Variants in RPS6KA6 observed in about 807,000 individuals in gnomAD.
RPS6KA6 encodes ribosomal protein S6 kinase alpha-6.
In RPS6KA6, 27 loss-of-function variants were observed where a neutral mutation model predicts 65.4. That is an observed-to-expected ratio of 0.41 (90% CI 0.30 to 0.57). The LOEUF (loss-of-function observed/expected upper bound fraction) is 0.57, where lower values mean the gene tolerates loss of function less well. RPS6KA6 is among the 20% of genes least tolerant of loss of function. RPS6KA6 has a pLI of 0.24. For missense variants in RPS6KA6, 486 were observed against 555.6 expected (o/e 0.87, Z 1.26); for synonymous variants, 190 against 184.2 (o/e 1.03, Z -0.26).
intron 1 of RPS6KA6, among the ~76,000 whole-genome samples, chrX:84,169,701 C>T (rs1297268970): frequency 9.0e-6 from 1 of 111,695 alleles, no homozygotes; most frequent in Non-Finnish European, 1.9e-5. Context: ...GAGAGATACA[C>T]ATTTCCGAAG....
At chrX:84,138,910 A>G (rs2035046757) in intron 6 of RPS6KA6, among the ~76,000 whole-genome samples, 1 of 110,948 alleles carries the variant, frequency 9.0e-6, no homozygotes, top group South Asian at 3.8e-4. Context: ...TACATTATAA[A>G]ATTCTTTAAA....
chrX:84,105,167 A>G (rs962903356), intron 16 of RPS6KA6, among the ~76,000 whole-genome samples: 1 of 108,381 alleles, frequency 9.2e-6, no homozygotes, highest in Non-Finnish European at 1.9e-5. Context: ...CAGGGCATGT[A>G]TGATAAACAC....
intron 20 of RPS6KA6, among the ~76,000 whole-genome samples, chrX:84,081,378 G>A (rs964477227): frequency 2.7e-5 from 3 of 111,189 alleles, no homozygotes; most frequent in African/African-American, 9.8e-5. Flanking sequence ...AAGAAATAGA[G>A]AAATTCCTGG....
chrX:84,117,093 T>C lies in RPS6KA6; in HGVS notation c.916A>G (p.Met306Val). 1 of 1,189,407 alleles carries C rather than the reference T, an allele frequency of 8.4e-7. No homozygotes were observed. The highest frequency in any genetic ancestry group is 1.1e-6 in the Non-Finnish European group (1 of 882,943). The change falls in exon 11 of 22, where the codon ATG becomes GTG. Residue 306 changes from methionine (M) to valine (V), a missense_variant. Met to Val is a conservative substitution (Grantham distance 21, BLOSUM62 1). Coordinates refer to ENST00000262752, the MANE Select transcript of RPS6KA6 (RefSeq NM_014496.5). ...LSAEAQSLLR[M>V]LFKRNPANRL... ...TTTGCTGGATTCCTTTTGAATAACA[T>C]CCTTAGAAGACTTTGTGCTTCAGCA... is the stretch of plus-strand genomic sequence containing the variant.
chrX:84,187,507 C>G (rs981369420), intron 1 of RPS6KA6: 1 of 225,671 alleles, frequency 4.4e-6, no homozygotes, highest in Non-Finnish European at 7.9e-6. Flanking sequence ...GCACAGCACC[C>G]CGCCAGTCCC....
intron 6 of RPS6KA6, among the ~76,000 whole-genome samples, chrX:84,138,743 T>A: frequency 9.0e-6 from 1 of 110,871 alleles, no homozygotes; most frequent in South Asian, 3.8e-4. Flanking sequence ...TCTACCACAT[T>A]TTCTTGAATA....
chrX:84,139,983 G>A (rs1359069155), intron 6 of RPS6KA6, among the ~76,000 whole-genome samples: 1 of 111,741 alleles, frequency 8.9e-6, no homozygotes. Flanking sequence ...CTTAGAGAAG[G>A]AGGACAAAAT....
intron 2 of RPS6KA6, among the ~76,000 whole-genome samples, chrX:84,161,296 T>G (rs1172771368): frequency 9.0e-6 from 1 of 111,465 alleles, no homozygotes; most frequent in South Asian, 3.7e-4. Context: ...AACTCATAAG[T>G]TGAACCATCC....
chrX:84,089,793 C>G (rs1166844110), intron 20 of RPS6KA6, among the ~76,000 whole-genome samples: 1 of 111,604 alleles, frequency 9.0e-6, no homozygotes, highest in Non-Finnish European at 1.9e-5. Flanking sequence ...CCTAGTCAGT[C>G]CCAATACACG....
chrX:84,110,214 T>C (rs138835930), intron 12 of RPS6KA6, among the ~76,000 whole-genome samples: 2 of 111,667 alleles, frequency 1.8e-5, no homozygotes, highest in East Asian at 2.9e-4. Context: ...AGGGGTGTGA[T>C]AGATAAATAG....
chrX:84,149,810 A>C (rs1439811900), intron 3 of RPS6KA6, among the ~76,000 whole-genome samples: 1 of 111,680 alleles, frequency 9.0e-6, no homozygotes, highest in African/African-American at 3.3e-5. Flanking sequence ...ATTGGCTTCA[A>C]CTTAAAAGTT....
intron 1 of RPS6KA6, among the ~76,000 whole-genome samples, chrX:84,169,419 C>T (rs1334976261): frequency 5.3e-5 from 4 of 75,407 alleles, no homozygotes; most frequent in African/African-American, 1.5e-4. Context: ...GAAAACTGAA[C>T]TGAGAAATTA....
intron 18 of RPS6KA6, among the ~76,000 whole-genome samples, chrX:84,101,216 T>C (rs1444305631): frequency 9.0e-6 from 1 of 111,393 alleles, no homozygotes; most frequent in Non-Finnish European, 1.9e-5. Flanking sequence ...CCATAACATA[T>C]AAGAACAGCT....
intron 9 of RPS6KA6, among the ~76,000 whole-genome samples, chrX:84,117,921 A>C (rs1437518587): frequency 9.0e-6 from 1 of 111,000 alleles, no homozygotes; most frequent in African/African-American, 3.3e-5. Context: ...AAAGAAGTAG[A>C]AGCAGCAGAA....
intron 1 of RPS6KA6, among the ~76,000 whole-genome samples, chrX:84,186,357 T>G (rs1203733236): frequency 1.8e-5 from 2 of 112,333 alleles, no homozygotes; most frequent in Admixed American, 1.9e-4. Context: ...CATACATGAA[T>G]ATAACAAAGT....
intron 8 of RPS6KA6, among the ~76,000 whole-genome samples, chrX:84,121,539 T>C (rs1270597872): frequency 8.9e-6 from 1 of 112,211 alleles, no homozygotes; most frequent in Non-Finnish European, 1.9e-5. Context: ...CCCCATAAGT[T>C]CTGTGGTTTA....
At chrX:84,170,042 C>T (rs1005500391) in intron 1 of RPS6KA6, among the ~76,000 whole-genome samples, 3 of 108,356 alleles carry the variant, frequency 2.8e-5, no homozygotes, top group Non-Finnish European at 3.8e-5. Flanking sequence ...TAGTGACACA[C>T]GCCTGTAATC....
At chrX:84,108,882 C>T (rs2034414169) in intron 12 of RPS6KA6, among the ~76,000 whole-genome samples, 1 of 111,998 alleles carries the variant, frequency 8.9e-6, no homozygotes, top group South Asian at 3.7e-4. Flanking sequence ...CAAAGACTGC[C>T]GGTCTCAGCT....
chrX:84,091,961 C>T (rs781573007), intron 20 of RPS6KA6, among the ~76,000 whole-genome samples: 1 of 111,381 alleles, frequency 9.0e-6, no homozygotes, highest in East Asian at 2.9e-4. Context: ...TGTTCTCACT[C>T]ATAAGTGGGA....
Sources: gnomAD v4.1 joint callset for allele counts (sites outside exome capture counted in the v4.1 genomes callset) on GRCh38, gnomAD v4.1.1 for gene constraint, MANE v1.5 for transcripts, NCBI Gene and HGNC (gene_info 2026-07-23, HGNC 2026-07-21) for gene names.